Variants in ADAM19 observed in about 807,000 individuals in gnomAD.
ADAM19 encodes ADAM metallopeptidase domain 19.
ADAM19 carries 65 observed loss-of-function variants against 114.7 expected under a neutral mutation model. That is an observed-to-expected ratio of 0.57 (90% CI 0.46 to 0.70). The LOEUF is 0.70. Ranked by LOEUF, ADAM19 falls within the 30% of genes least tolerant of loss-of-function variation. ADAM19 has a pLI of 0.00. For synonymous variants in ADAM19, 466 were observed against 460.5 expected, an observed-to-expected ratio of 1.01 and a Z score of -0.15; for missense variants, 1,063 against 1,204.7, an observed-to-expected ratio of 0.88 and a Z score of 1.74.
At chr5:157,554,236 C>T (rs990861058) in intron 3 of ADAM19, among the ~76,000 whole-genome samples, 1 of 152,238 alleles carries the variant, frequency 6.6e-6, no homozygotes, top group African/African-American at 2.4e-5. Flanking sequence ...AAGTCCACAG[C>T]TTCCCTTAGT....
Position 157,490,472 on chromosome 5 carries a change from C to T in ADAM19, c.2096-18G>A. ...ACCCACACCTTCCAGAAACAGAACC[C>T]AAGTGGGAGATTTAGAAGCTGTCTC... On this transcript the variant is annotated intron_variant, in intron 18 of 22. Coordinates refer to ENST00000257527, the MANE Select transcript of ADAM19 (RefSeq NM_033274.5). The T allele has an allele frequency of 1.2e-6, 2 of 1,611,286 alleles. No individual in the cohort carries two copies. Among genetic ancestry groups the T allele is most frequent in the Non-Finnish European group, 1.7e-6 (2 of 1,178,084 alleles).
Position 157,509,292 on chromosome 5 carries a change from G to A in ADAM19, c.905+9C>T, listed in dbSNP as rs779098243. ...AGGACAACACAACATATGGAAAAAG[G>A]CTATTTACGTGATTAATTGGGCGTT... is the stretch of plus-strand genomic sequence containing the variant. On this transcript the variant is annotated intron_variant, in intron 9 of 22. Coordinates refer to ENST00000257527, the MANE Select transcript of ADAM19 (RefSeq NM_033274.5). 1.6e-5 allele frequency: 25 copies of A among 1,602,398 alleles called. No individual in the cohort carries two copies. Among genetic ancestry groups the A allele is most frequent in the Non-Finnish European group, 2.1e-5 (25 of 1,172,472 alleles).
intron 13 of ADAM19, among the ~76,000 whole-genome samples, chr5:157,497,895 C>T (rs1755418350): frequency 1.3e-5 from 2 of 152,174 alleles, no homozygotes; most frequent in Non-Finnish European, 2.9e-5. Flanking sequence ...AATAGGTTGC[C>T]CCAAATCACA....
intron 6 of ADAM19, among the ~76,000 whole-genome samples, chr5:157,519,494 A>G (rs760132983): frequency 6.6e-5 from 10 of 152,166 alleles, no homozygotes; most frequent in South Asian, 2.1e-4. Context: ...CATGTTGCCC[A>G]GGCTGGACTC....
chr5:157,514,754 A>T (rs1756042216), intron 7 of ADAM19, among the ~76,000 whole-genome samples: 1 of 152,244 alleles, frequency 6.6e-6, no homozygotes, highest in Non-Finnish European at 1.5e-5. Flanking sequence ...CCTCAAAAAG[A>T]TAGATCTCTC....
chr5:157,481,914 C>A lies in ADAM19; in HGVS notation c.2580G>T (p.Lys860Asn). 1 of 1,606,230 alleles carries A rather than the reference C, an allele frequency of 6.2e-7. No individual in the cohort carries two copies. Among genetic ancestry groups the A allele is most frequent in the Non-Finnish European group, 8.5e-7 (1 of 1,175,852 alleles). Reference protein sequence around the residue: ...QDFSRPRPPQKALPANPVPGR... With the variant: ...QDFSRPRPPQNALPANPVPGR... Reference sequence around the variant, plus strand: ...CTGGCACTGGGTTTGCCGGGAGTGCCTTCTGGGGCGGCCGAGGCCTGGAGA... The same window carrying A: ...CTGGCACTGGGTTTGCCGGGAGTGCATTCTGGGGCGGCCGAGGCCTGGAGA... Residue 860 changes from lysine to asparagine, a missense_variant, in exon 22 of 23, where the codon AAG (lysine) becomes AAT (asparagine). Around this residue, in one of 3 missense-constraint regions of ADAM19, gnomAD observed 424 missense variants for 445.5 expected, o/e 0.95. Coordinates refer to ENST00000257527, the MANE Select transcript of ADAM19 (RefSeq NM_033274.5).
intron 1 of ADAM19, 49 bp from the exon 2 acceptor site, chr5:157,571,029 C>A: frequency 6.5e-7 from 1 of 1,536,654 alleles, no homozygotes; most frequent in Admixed American, 1.7e-5. Context: ...CTCTATACCC[C>A]AGCTAAGCCA....
intron 10 of ADAM19, among the ~76,000 whole-genome samples, chr5:157,506,828 G>T (rs1755756152): frequency 3.9e-5 from 6 of 151,954 alleles, no homozygotes; most frequent in Admixed American, 3.3e-4. Flanking sequence ...ATCTCTTCAG[G>T]GTTCCTGAGC....
chr5:157,517,842 C>A (rs1008661373), intron 7 of ADAM19, among the ~76,000 whole-genome samples: 1 of 152,204 alleles, frequency 6.6e-6, no homozygotes, highest in Non-Finnish European at 1.5e-5. Context: ...GGCTGAACTG[C>A]TATGCCTTTA....
chr5:157,488,325 C>T lies in ADAM19; in HGVS notation c.2490G>A (p.Ser830=), dbSNP rs764968777. The T allele has an allele frequency of 1.6e-5, 26 of 1,614,032 alleles. No individual in the cohort carries two copies. Among genetic ancestry groups the T allele is most frequent in the African/African-American group, 5.3e-5 (4 of 74,918 alleles). ...GPGSQIERTE[S]SRRPPPSRPI... Reference sequence around the variant, plus strand: ...GCCGGCTTGGAGGAGGCCTCCTGGACGACTCCGTCCTCTCTATTTGAGACC... The same window carrying T: ...GCCGGCTTGGAGGAGGCCTCCTGGATGACTCCGTCCTCTCTATTTGAGACC... Residue 830 remains serine (S), a synonymous_variant, in exon 21 of 23, where the codon TCG becomes TCA. Transcript: ENST00000257527.
chr5:157,517,866 C>T (rs1399882333), intron 7 of ADAM19, among the ~76,000 whole-genome samples: 1 of 152,216 alleles, frequency 6.6e-6, no homozygotes, highest in Non-Finnish European at 1.5e-5. Context: ...CAGTGGTTCT[C>T]AAACTTGACT....
At position 157,480,979 on chromosome 5, in the gene ADAM19, CCT is replaced by C. The variant is rs1561836937; in HGVS notation, c.2725_2726del (p.Arg909GlyfsTer6). 1.9e-6 allele frequency: 3 copies of C among 1,614,036 alleles called. No homozygotes were observed. In the Admixed American group the frequency reaches 5.0e-5, roughly 27 times the overall value. On this transcript the variant is annotated frameshift_variant, in exon 23 of 23. Coordinates refer to ENST00000257527, the MANE Select transcript of ADAM19 (RefSeq NM_033274.5). LOFTEE classifies it high-confidence loss of function. ...TTTTCGAGCTAATCATCCCTCCAGC[CCT>C]CTGTGATCTGTATTCTGGAAACTGG... ...APKFPEYRSQ[R>X]AGGMISSKI
intron 1 of ADAM19, 57 bp from the exon 2 acceptor site, chr5:157,571,037 C>T (rs1757806957): frequency 6.7e-7 from 1 of 1,485,078 alleles, no homozygotes; most frequent in Middle Eastern, 1.8e-4. Flanking sequence ...CCCAGCTAAG[C>T]CACACATGCA....
In ADAM19 at chr5:157,492,611, G is replaced by A. The variant is rs1176284739; in HGVS notation, c.1908+362C>T. Among the ~76,000 whole-genome samples the A allele has an allele frequency of 2.0e-5, 3 of 152,112 alleles. No homozygotes were observed. The East Asian group carries it at 5.8e-4, about 29-fold the overall frequency. On this transcript the variant is annotated intron_variant, in intron 16 of 22. Transcript: ENST00000257527. ...CTCTGTGCCAGGTGCTATGCTAAAT[G>A]CTTCATGTTTTCCATAGTTTCATTA...
intron 4 of ADAM19, among the ~76,000 whole-genome samples, chr5:157,532,204 G>A (rs1047840987): frequency 1.3e-5 from 2 of 152,264 alleles, no homozygotes; most frequent in African/African-American, 4.8e-5. Context: ...TGTGACCACC[G>A]CTCTGTGCCA....
intron 3 of ADAM19, among the ~76,000 whole-genome samples, chr5:157,559,210 G>T (rs1191965925): frequency 2.6e-5 from 4 of 152,192 alleles, no homozygotes; most frequent in Non-Finnish European, 5.9e-5. Flanking sequence ...GAGCAAATAA[G>T]ATCTCTCTTT....
intron 3 of ADAM19, among the ~76,000 whole-genome samples, chr5:157,557,836 C>T (rs1757408013): frequency 6.6e-6 from 1 of 152,158 alleles, no homozygotes; most frequent in Admixed American, 6.5e-5. Context: ...ATCCAAAAGG[C>T]CCCACCTCCT....
intron 4 of ADAM19, among the ~76,000 whole-genome samples, chr5:157,535,940 C>G (rs1037561702): frequency 2.0e-5 from 3 of 152,220 alleles, no homozygotes; most frequent in African/African-American, 7.2e-5. Context: ...CCATCCCACC[C>G]CTGCCCCTGG....
chr5:157,487,190 CCT>C (rs1402585658), intron 21 of ADAM19, among the ~76,000 whole-genome samples: 3 of 152,264 alleles, frequency 2.0e-5, no homozygotes, highest in East Asian at 1.9e-4. Context: ...CCACTCCTCC[CCT>C]CTCTTGCTTT....
Sources: allele counts gnomAD v4.1 joint callset (sites outside exome capture counted in the v4.1 genomes callset), GRCh38; gene constraint gnomAD v4.1.1; regional missense constraint gnomAD v4.1.1; transcripts MANE v1.5; gene names NCBI Gene and HGNC (gene_info 2026-07-23, HGNC 2026-07-21).